The following ANGPT2 variants were observed in gnomAD, a reference collection of about 807,000 sequenced individuals.
ANGPT2 encodes the protein angiopoietin 2, also known as angiopoietin-2.
Under a neutral mutation model 62.9 loss-of-function variants are expected in ANGPT2, and 28 were observed. The ratio of observed to expected loss-of-function variants is 0.44; its 90% CI spans 0.33 to 0.61. The LOEUF (loss-of-function observed/expected upper bound fraction) is 0.61. Ranked by LOEUF, ANGPT2 falls within the 20% of genes least tolerant of loss-of-function variation. The probability of loss-of-function intolerance (pLI) is 0.03; values close to 1 mark genes in which losing one functional copy is unlikely to be tolerated. For synonymous variants in ANGPT2, 284 were observed against 207.8 expected (o/e 1.37, Z -3.15); for missense variants, 727 against 594.9 (o/e 1.22, Z -2.31).
At chr8:6,546,797 T>A (rs1822659779) in intron 1 of ANGPT2, among the ~76,000 whole-genome samples, 1 of 152,232 alleles carries the variant, frequency 6.6e-6, no homozygotes, top group Non-Finnish European at 1.5e-5. Context: ...AATCCAAGTA[T>A]TGCCTTTAAT....
chr8:6,561,754 G>A (rs1825577645), intron 1 of ANGPT2, among the ~76,000 whole-genome samples: 1 of 151,336 alleles, frequency 6.6e-6, no homozygotes, highest in African/African-American at 2.4e-5. Context: ...TTTGGATTTT[G>A]TATAAATAGC....
At chr8:6,544,654 A>G (rs1036830064) in intron 1 of ANGPT2, among the ~76,000 whole-genome samples, 1 of 152,206 alleles carries the variant, frequency 6.6e-6, no homozygotes, top group Non-Finnish European at 1.5e-5. Context: ...GCAAGCACAT[A>G]TTTTATTTCT....
intron 5 of ANGPT2, 32 bp from the exon 6 acceptor site, chr8:6,514,810 G>T (rs200615678): frequency 5.7e-6 from 9 of 1,590,202 alleles, no homozygotes; most frequent in Middle Eastern, 1.7e-4. Context: ...ATAAGTGACA[G>T]AGCCCCCCCA....
chr8:6,527,899 A>ATTTTTTTTT (rs71213313), intron 2 of ANGPT2, among the ~76,000 whole-genome samples: 1 of 133,150 alleles, frequency 7.5e-6, no homozygotes, highest in Admixed American at 7.7e-5. Context: ...CCACGTCTCT[A>ATTTTTTTTT]TTTTTTTTTT....
intron 2 of ANGPT2, among the ~76,000 whole-genome samples, chr8:6,529,794 G>C (rs1312030703): frequency 1.3e-5 from 2 of 151,322 alleles, no homozygotes; most frequent in Non-Finnish European, 2.9e-5. Context: ...GTTTAATTGG[G>C]CTTCACATGG....
chr8:6,561,300 G>A (rs761747890), intron 1 of ANGPT2, among the ~76,000 whole-genome samples: 1 of 152,188 alleles, frequency 6.6e-6, no homozygotes, highest in Non-Finnish European at 1.5e-5. Context: ...CATTTGATAG[G>A]TCATTTTGGT....
chr8:6,507,372 C>T (rs548590385), intron 8 of ANGPT2, among the ~76,000 whole-genome samples: 44 of 152,232 alleles, frequency 2.9e-4, no homozygotes, highest in African/African-American at 8.2e-4. Flanking sequence ...TTAAACCCTG[C>T]CAATTTTCCT....
intron 1 of ANGPT2, 95 bp downstream of exon 1, chr8:6,562,552 C>CTTCTTTTTT (rs1825700604): frequency 1.4e-5 from 1 of 71,748 alleles, no homozygotes; most frequent in African/African-American, 6.3e-5. Context: ...CATCCTCCTT[C>CTTCTTTTTT]TTTTTTTTTT....
Position 6,562,701 on chromosome 8 carries a change from C to T in ANGPT2, c.234G>A (p.Gln78=). The part of the protein sequence containing the change: ...DAPLEYDDSV[Q]RLQVLENIME... ...TGATGTTCTCCAGCACTTGCAGCCT[C>T]TGCACCGAGTCATCGTATTCGAGCG... is the stretch of plus-strand genomic sequence containing the variant. The change falls in exon 1 of 9, where the codon CAG becomes CAA. Residue 78 remains glutamine (Q), a synonymous_variant. Coordinates refer to ENST00000629816, the MANE Select transcript of ANGPT2 (RefSeq NM_001118887.2). 6.2e-7 allele frequency: 1 copy of T among 1,612,764 alleles called. No homozygotes were observed. The highest frequency in any genetic ancestry group is 8.5e-7 in the Non-Finnish European group (1 of 1,179,008).
intron 1 of ANGPT2, among the ~76,000 whole-genome samples, chr8:6,556,128 T>A (rs1290900969): frequency 6.6e-6 from 1 of 152,196 alleles, no homozygotes; most frequent in Non-Finnish European, 1.5e-5. Context: ...AACCAGTGAC[T>A]TAACTTCTCA....
chr8:6,535,664 A>C (rs1820353150), intron 1 of ANGPT2, among the ~76,000 whole-genome samples: 1 of 152,240 alleles, frequency 6.6e-6, no homozygotes, highest in Non-Finnish European at 1.5e-5. Context: ...TCTGTGTGAT[A>C]CTGACTGCAT....
chr8:6,509,104 T>C lies in ANGPT2; in HGVS notation c.1197-42A>G, dbSNP rs560273690. ...AAAAAAAACACATTGGCTAGGGTCA[T>C]TGATTTACCGTAGTGGCAAATTTTT... On this transcript the variant is annotated intron_variant, in intron 7 of 8. Coordinates refer to ENST00000629816, the MANE Select transcript of ANGPT2 (RefSeq NM_001118887.2). 3.1e-6 allele frequency: 5 copies of C among 1,596,094 alleles called. No individual in the cohort carries two copies. The South Asian group carries it at 3.4e-5, about 11-fold the overall frequency.
intron 2 of ANGPT2, among the ~76,000 whole-genome samples, chr8:6,531,579 A>C (rs904195771): frequency 1.3e-5 from 2 of 152,144 alleles, no homozygotes; most frequent in African/African-American, 4.8e-5. Flanking sequence ...GGCGTGAGCT[A>C]CTGCGCCTGG....
chr8:6,554,574 A>T (rs1332774950), intron 1 of ANGPT2, among the ~76,000 whole-genome samples: 2 of 152,190 alleles, frequency 1.3e-5, no homozygotes, highest in African/African-American at 4.8e-5. Flanking sequence ...TATATTTTTA[A>T]TTTGGTTGTT....
intron 1 of ANGPT2, among the ~76,000 whole-genome samples, chr8:6,545,157 A>C (rs999634068): frequency 6.6e-6 from 1 of 152,160 alleles, no homozygotes; most frequent in African/African-American, 2.4e-5. Flanking sequence ...GATAGAAGTC[A>C]GAATAATGTC....
chr8:6,554,353 T>C (rs1486995934), intron 1 of ANGPT2, among the ~76,000 whole-genome samples: 4 of 151,896 alleles, frequency 2.6e-5, no homozygotes, highest in Non-Finnish European at 4.4e-5. Context: ...CTTTTAAGAC[T>C]TTGTTCACGT....
chr8:6,521,924 C>G (rs1481995496), intron 3 of ANGPT2, among the ~76,000 whole-genome samples: 1 of 152,194 alleles, frequency 6.6e-6, no homozygotes, highest in Non-Finnish European at 1.5e-5. Context: ...ATACTTCTCC[C>G]AGACTCAAGT....
chr8:6,504,144 C>T (rs184267669), intron 8 of ANGPT2, among the ~76,000 whole-genome samples: 76 of 151,966 alleles, frequency 5.0e-4, no homozygotes, highest in African/African-American at 1.2e-3. Context: ...CGGTGAAACC[C>T]CGTCTCTACT....
intron 5 of ANGPT2, among the ~76,000 whole-genome samples, chr8:6,518,304 T>C (rs962917921): frequency 6.6e-6 from 1 of 152,168 alleles, no homozygotes; most frequent in African/African-American, 2.4e-5. Flanking sequence ...TGCACAGAAT[T>C]GTCATGAAAA....
Sources: allele counts gnomAD v4.1 joint callset (sites outside exome capture counted in the v4.1 genomes callset), GRCh38; gene constraint gnomAD v4.1.1; transcripts MANE v1.5; gene names NCBI Gene and HGNC (gene_info 2026-07-23, HGNC 2026-07-21).